BBS9: variants seen among roughly 807,000 people sequenced by gnomAD.
BBS9 encodes Bardet-Biedl syndrome 9.
BBS9 carries 89 observed loss-of-function variants against 117.7 expected under a neutral mutation model. That is an observed-to-expected ratio of 0.76 (90% CI 0.64 to 0.90). BBS9 has a LOEUF of 0.90. BBS9 is among the 40% of genes least tolerant of loss of function. The pLI, the probability that BBS9 is intolerant of heterozygous loss-of-function variation, is 0.00. For missense variants in BBS9, 982 were observed against 1,042.2 expected (o/e 0.94, Z 0.80); for synonymous variants, 379 against 370.9 (o/e 1.02, Z -0.25).
intron 2 of BBS9, among the ~76,000 whole-genome samples, chr7:33,147,478 T>A (rs1792601622): frequency 6.6e-6 from 1 of 152,088 alleles, no homozygotes; most frequent in Non-Finnish European, 1.5e-5. Flanking sequence ...CCTACTAAGT[T>A]GTTTTGAAGG....
intron 9 of BBS9, among the ~76,000 whole-genome samples, chr7:33,325,620 T>C (rs1438974012): frequency 6.6e-6 from 1 of 152,190 alleles, no homozygotes; most frequent in East Asian, 1.9e-4. Context: ...ACCTGTCCTT[T>C]TTTCTGAAGG....
intron 2 of BBS9, among the ~76,000 whole-genome samples, chr7:33,146,962 G>T (rs1392231630): frequency 6.6e-6 from 1 of 152,046 alleles, no homozygotes; most frequent in Non-Finnish European, 1.5e-5. Context: ...GTAGGGGACA[G>T]TTAGTAAAAT....
chr7:33,402,378 C>T (rs1829058910), intron 19 of BBS9, among the ~76,000 whole-genome samples: 1 of 152,066 alleles, frequency 6.6e-6, no homozygotes, highest in Non-Finnish European at 1.5e-5. Context: ...ATTTGCATAC[C>T]AAAATTCATG....
At chr7:33,631,021 C>G (rs1865867569) in intron 21 of BBS9, among the ~76,000 whole-genome samples, 1 of 152,138 alleles carries the variant, frequency 6.6e-6, no homozygotes, top group African/African-American at 2.4e-5. Flanking sequence ...AGGAGTGCTA[C>G]CGAGGCAAAG....
chr7:33,505,452 A>G lies in BBS9; in HGVS notation c.2116-11A>G. 6.2e-7 allele frequency: 1 copy of G among 1,613,892 alleles called. No homozygotes were observed. The highest frequency in any genetic ancestry group is 1.7e-5 in the Admixed American group (1 of 60,024). On this transcript the variant is annotated splice_polypyrimidine_tract_variant and intron_variant, in intron 19 of 22. Transcript: ENST00000242067. ...GAAATTATCCCTAACCGAAGTTTGT[A>G]ATATCTGCAGGTAATTGCTCTAGCA...
intron 5 of BBS9, among the ~76,000 whole-genome samples, chr7:33,219,878 C>G (rs925363251): frequency 6.6e-6 from 1 of 152,164 alleles, no homozygotes; most frequent in Non-Finnish European, 1.5e-5. Context: ...AATCTTGCTA[C>G]TGCTCACTCT....
chr7:33,627,553 C>G (rs1865700277), intron 21 of BBS9, among the ~76,000 whole-genome samples: 1 of 152,200 alleles, frequency 6.6e-6, no homozygotes, highest in East Asian at 1.9e-4. Context: ...CCTGGAAAAG[C>G]CACAGACACT....
chr7:33,480,802 G>A (rs555461312), intron 19 of BBS9, among the ~76,000 whole-genome samples: 1 of 151,940 alleles, frequency 6.6e-6, no homozygotes, highest in Non-Finnish European at 1.5e-5. Flanking sequence ...TTACCCACAT[G>A]TTGAGGGAGG....
At chr7:33,352,445 A>G (rs533245981) in intron 14 of BBS9, among the ~76,000 whole-genome samples, 2 of 152,298 alleles carry the variant, frequency 1.3e-5, no homozygotes, top group African/African-American at 4.8e-5. Flanking sequence ...TTATTATAAA[A>G]AAGAGGAACT....
At chr7:33,500,244 A>T (rs1845264526) in intron 19 of BBS9, among the ~76,000 whole-genome samples, 1 of 152,258 alleles carries the variant, frequency 6.6e-6, no homozygotes, top group Admixed American at 6.5e-5. Context: ...GTAATGTATT[A>T]GTAGTGTTCT....
chr7:33,129,301 C>A, upstream of BBS9: 1 of 545,862 alleles, frequency 1.8e-6, no homozygotes, highest in Non-Finnish European at 3.3e-6. Context: ...GCGTGGCCTG[C>A]CCCCGGAGCC....
chr7:33,186,098 G>A (rs1191245045), intron 5 of BBS9, among the ~76,000 whole-genome samples: 2 of 152,150 alleles, frequency 1.3e-5, no homozygotes, highest in Non-Finnish European at 2.9e-5. Flanking sequence ...TAATATAAAA[G>A]CGCTTTCTAG....
rs115124625 is a variant in BBS9, at chr7:33,398,905, C to G, written c.2115+10761C>G. Among the ~76,000 whole-genome samples the G allele has an allele frequency of 1.3e-3, 196 of 152,262 alleles. 1 individual carries two copies. Among genetic ancestry groups the G allele is most frequent in the African/African-American group, 4.4e-3 (181 of 41,554 alleles). ...TTCACCATGTTGGCCAGGCAGGTCA[C>G]AAACTCATGTGACCCATCCGCCTTG... On this transcript the variant is annotated intron_variant, in intron 19 of 22. Coordinates refer to ENST00000242067, the MANE Select transcript of BBS9 (RefSeq NM_198428.3).
At chr7:33,177,939 C>A in intron 5 of BBS9, 1 of 209,920 alleles carries the variant, frequency 4.8e-6, no homozygotes, top group Non-Finnish European at 9.7e-6. Flanking sequence ...TCTAAAACTG[C>A]CTTTTCTACA....
intron 20 of BBS9, among the ~76,000 whole-genome samples, chr7:33,510,411 C>T (rs1846766234): frequency 6.6e-6 from 1 of 151,976 alleles, no homozygotes; most frequent in South Asian, 2.1e-4. Context: ...GTATTATACA[C>T]ATCTCCCTCT....
intron 1 of BBS9, among the ~76,000 whole-genome samples, chr7:33,130,789 T>C (rs1040894645): frequency 6.6e-6 from 1 of 152,166 alleles, no homozygotes; most frequent in Non-Finnish European, 1.5e-5. Context: ...TAAAAAACTT[T>C]ATTTTGAAAA....
chr7:33,613,432 T>C (rs1331257264), intron 21 of BBS9, among the ~76,000 whole-genome samples: 1 of 151,968 alleles, frequency 6.6e-6, no homozygotes, highest in Non-Finnish European at 1.5e-5. Context: ...CACTTCTCCA[T>C]AATGTTATGG....
rs561645930 is a variant in BBS9, at chr7:33,370,569, T to G, written c.1789+2707T>G. Among the ~76,000 whole-genome samples the G allele has an allele frequency of 1.3e-4, 20 of 152,334 alleles. No individual in the cohort carries two copies. The East Asian group carries it at 2.5e-3, about 19-fold the overall frequency. ...ATTAAAAATAACGGGAAAGTTCTAC[T>G]TTTGTGAGATCAAATGTTTTTATAA... On this transcript the variant is annotated intron_variant, in intron 17 of 22. Coordinates refer to ENST00000242067, the MANE Select transcript of BBS9 (RefSeq NM_198428.3).
intron 6 of BBS9, among the ~76,000 whole-genome samples, chr7:33,261,562 G>T (rs1027657684): frequency 1.3e-5 from 2 of 152,172 alleles, no homozygotes; most frequent in Non-Finnish European, 2.9e-5. Context: ...ACATATCAAG[G>T]TTCCAAAACT....
Sources: allele counts gnomAD v4.1 joint callset (sites outside exome capture counted in the v4.1 genomes callset), GRCh38; gene constraint gnomAD v4.1.1; transcripts MANE v1.5; gene names NCBI Gene and HGNC (gene_info 2026-07-23, HGNC 2026-07-21).